The following KIF3A variants were observed in gnomAD, a reference collection of about 807,000 sequenced individuals.
KIF3A encodes the protein kinesin-like protein KIF3A.
Under a neutral mutation model 92.6 loss-of-function variants are expected in KIF3A, and 27 were observed. The ratio of observed to expected loss-of-function variants is 0.29; its 90% CI spans 0.21 to 0.40. The LOEUF (loss-of-function observed/expected upper bound fraction) is 0.40, where lower values mean the gene tolerates loss of function less well. KIF3A is among the 10% of genes least tolerant of loss of function. The probability of loss-of-function intolerance (pLI) is 1.00; values close to 1 mark genes in which losing one functional copy is unlikely to be tolerated. For missense variants in KIF3A, 581 were observed against 872.6 expected (o/e 0.67, Z 4.21); for synonymous variants, 250 against 275.4 (o/e 0.91, Z 0.92).
chr5:132,736,635 A>G, intron 1 of KIF3A: 1 of 314,656 alleles, frequency 3.2e-6, no homozygotes, highest in Non-Finnish European at 6.7e-6. Context: ...TTTAATCTTA[A>G]ATGTCAAGCA....
chr5:132,706,571 T>A, intron 10 of KIF3A, 112 bp from the exon 11 acceptor site: 1 of 751,030 alleles, frequency 1.3e-6, no homozygotes, highest in Non-Finnish European at 2.1e-6. Context: ...AAATATATAA[T>A]AGCATTCATT....
At chr5:132,737,291 A>G in intron 1 of KIF3A, 123 bp downstream of exon 1, 1 of 1,132,630 alleles carries the variant, frequency 8.8e-7, no homozygotes, top group Non-Finnish European at 1.2e-6. Context: ...CCACCGCACG[A>G]CCGAGCCTGC....
intron 2 of KIF3A, 84 bp from the exon 3 acceptor site, chr5:132,726,582 G>T: frequency 1.6e-6 from 2 of 1,223,058 alleles, no homozygotes; most frequent in Non-Finnish European, 2.3e-6. Context: ...CTTTGACACT[G>T]TGATGTAATT....
intron 5 of KIF3A, among the ~76,000 whole-genome samples, chr5:132,719,823 G>C (rs1753766753): frequency 6.6e-6 from 1 of 152,046 alleles, no homozygotes; most frequent in Non-Finnish European, 1.5e-5. Flanking sequence ...TGCATCACCA[G>C]TACTAGGTTT....
chr5:132,722,432 T>A (rs1753855666), intron 4 of KIF3A, among the ~76,000 whole-genome samples: 1 of 152,190 alleles, frequency 6.6e-6, no homozygotes, highest in African/African-American at 2.4e-5. Flanking sequence ...TTTAGAAATT[T>A]GCGCAAGAGT....
chr5:132,734,478 T>G lies in KIF3A; in HGVS notation c.7A>C (p.Ile3Leu), dbSNP rs375949325. Residue 3 changes from isoleucine (I) to leucine (L), a missense_variant and splice_region_variant, in exon 2 of 19, where the codon ATC becomes CTC. Around this residue, in one of 5 missense-constraint regions of KIF3A, gnomAD observed 217 missense variants for 299.7 expected, o/e 0.72. Transcript: ENST00000403231. ...CTTTCTGGCTTCTCTGATTTATTGA[T>G]CTGTTGGAGATAATATTTACAAATA... MP[I>L]NKSEKPESCD... 6.2e-7 allele frequency: 1 copy of G among 1,607,696 alleles called. No individual in the cohort carries two copies. The highest frequency in any genetic ancestry group is 8.5e-7 in the Non-Finnish European group (1 of 1,177,616).
chr5:132,707,936 G>GGATCCTGCATAAAATCCACGT (rs1450336671), intron 10 of KIF3A, among the ~76,000 whole-genome samples: 1 of 152,112 alleles, frequency 6.6e-6, no homozygotes. Context: ...AAGTCTAGAT[G>GGATCCTGCATAAAATCCACGT]GATCCTGCAT....
intron 8 of KIF3A, among the ~76,000 whole-genome samples, chr5:132,711,696 C>G (rs964785380): frequency 6.6e-5 from 10 of 151,998 alleles, no homozygotes; most frequent in African/African-American, 1.9e-4. Flanking sequence ...AATGTGATCA[C>G]TTTTGAGGAA....
chr5:132,706,039 C>T (rs749151691), intron 11 of KIF3A, among the ~76,000 whole-genome samples: 6 of 151,696 alleles, frequency 4.0e-5, no homozygotes, highest in Admixed American at 6.6e-5. Context: ...TTTTTATTGC[C>T]CTTTGCCATG....
downstream of KIF3A, among the ~76,000 whole-genome samples, chr5:132,691,733 T>C (rs185707701): frequency 6.7e-4 from 101 of 151,114 alleles, no homozygotes; most frequent in African/African-American, 2.3e-3. Flanking sequence ...TGAAATTCCA[T>C]CTCTACTAAA....
At position 132,724,777 on chromosome 5, in the gene KIF3A, G is replaced by T. The variant is rs537755310; in HGVS notation, c.510+1351C>A. Among the ~76,000 whole-genome samples the T allele has an allele frequency of 2.5e-3, 279 of 111,198 alleles. 1 individual carries two copies. The highest frequency in any genetic ancestry group is 6.2e-3 in the Admixed American group (58 of 9,406). The allele number at this position is 111,198 out of a possible 152,430, so 73.0% of individuals were successfully genotyped here. On this transcript the variant is annotated intron_variant, in intron 4 of 18. Transcript: ENST00000403231. ...CTGCACGTCGTGCACATGTACCCTA[G>T]AACTTAAAGTATAATAAAAAAAAAA...
In KIF3A at chr5:132,696,265, G is replaced by GT. The variant is rs58963671; in HGVS notation, c.*368dup. The stretch of plus-strand genomic sequence containing the variant: ...CTTTCTATGTGCAAAACAGGACACA[G>GT]TTTTTTTTTTTCTATTTTGAAATTC... On this transcript the variant is annotated 3_prime_UTR_variant, in exon 19 of 19. Coordinates refer to ENST00000403231, the MANE Select transcript of KIF3A (RefSeq NM_001300791.2). 0.26 allele frequency: 40,366 copies of GT among 155,164 alleles called. 6,526 individuals carry two copies. The highest frequency in any genetic ancestry group is 0.73 in the East Asian group (3,940 of 5,426). 9.6% of individuals were successfully genotyped at this position (155,164 alleles called of 1,614,324 possible). A position where few individuals can be genotyped will look rare whatever the true frequency, so the allele number is the denominator to read the frequency against.
In KIF3A at chr5:132,703,443, C is replaced by A; in HGVS notation, c.1466+20G>T. 6.5e-7 allele frequency: 1 copy of A among 1,549,538 alleles called. No individual in the cohort carries two copies. The highest frequency in any genetic ancestry group is 8.8e-7 in the Non-Finnish European group (1 of 1,135,618). ...ACAGAAATTTAAATCATGAATTCAT[C>A]TCAATTCAATAATACTCACTGGGCT... On this transcript the variant is annotated intron_variant, in intron 12 of 18. Transcript: ENST00000403231.
At chr5:132,710,899 A>G in intron 9 of KIF3A, 60 bp downstream of exon 9, 1 of 1,607,348 alleles carries the variant, frequency 6.2e-7, no homozygotes, top group Non-Finnish European at 8.5e-7. Flanking sequence ...AAAGTCATGC[A>G]CTCTACCACC....
chr5:132,721,049 G>A (rs1347218848), intron 4 of KIF3A, among the ~76,000 whole-genome samples: 2 of 152,116 alleles, frequency 1.3e-5, no homozygotes, highest in Non-Finnish European at 2.9e-5. Flanking sequence ...AGTTGAGGTA[G>A]GAGAAGAAGA....
intron 2 of KIF3A, 69 bp from the exon 3 acceptor site, chr5:132,726,567 A>G: frequency 2.9e-6 from 4 of 1,364,318 alleles, no homozygotes; most frequent in Non-Finnish European, 4.1e-6. Context: ...TCTTAAAATT[A>G]ATTCCTTTGA....
intron 1 of KIF3A, 89 bp downstream of exon 1, chr5:132,737,325 C>A (rs1163636835): frequency 6.8e-7 from 1 of 1,464,668 alleles, no homozygotes; most frequent in Non-Finnish European, 9.2e-7. Context: ...GGCCGCCTGC[C>A]GGCTCCGCGC....
chr5:132,712,225 G>T (rs1753452739), intron 8 of KIF3A, among the ~76,000 whole-genome samples: 1 of 152,224 alleles, frequency 6.6e-6, no homozygotes, highest in African/African-American at 2.4e-5. Flanking sequence ...CCAGAGAGAA[G>T]TGAATGATTC....
chr5:132,717,167 A>G (rs576383383), intron 5 of KIF3A, among the ~76,000 whole-genome samples, 183 bp from the exon 6 acceptor site: 3 of 152,326 alleles, frequency 2.0e-5, no homozygotes, highest in East Asian at 3.9e-4. Flanking sequence ...TACTTTGTTG[A>G]TAACAAATTT....
Sources: gnomAD v4.1 joint callset for allele counts (sites outside exome capture counted in the v4.1 genomes callset) on GRCh38, gnomAD v4.1.1 for gene constraint, gnomAD v4.1.1 regional missense constraint, MANE v1.5 for transcripts, NCBI Gene and HGNC (gene_info 2026-07-23, HGNC 2026-07-21) for gene names.